PCDHGB4: variants seen among roughly 807,000 people sequenced by gnomAD.
PCDHGB4 encodes protocadherin gamma subfamily B, 4.
A neutral mutation model predicts 60.5 loss-of-function variants in PCDHGB4; 38 were observed. That is an observed-to-expected ratio of 0.63 (90% CI 0.48 to 0.82). PCDHGB4 has a LOEUF of 0.82. PCDHGB4 is among the 40% of genes least tolerant of loss of function. The probability of loss-of-function intolerance (pLI) is 0.00; values close to 1 mark genes in which losing one functional copy is unlikely to be tolerated. For missense variants in PCDHGB4, 1,109 were observed against 1,209.6 expected, an observed-to-expected ratio of 0.92 and a Z score of 1.23; for synonymous variants, 456 against 509.7, an observed-to-expected ratio of 0.89 and a Z score of 1.42.
intron 1 of PCDHGB4, chr5:141,442,535 A>C (rs2098331560): frequency 6.6e-6 from 1 of 152,240 alleles, no homozygotes; most frequent in Non-Finnish European, 1.5e-5. Flanking sequence ...CTCCAAGGTG[A>C]AAAATTCTTG....
intron 2 of PCDHGB4, among the ~76,000 whole-genome samples, chr5:141,502,832 G>T (rs1266910323): frequency 6.6e-6 from 1 of 150,516 alleles, no homozygotes; most frequent in Non-Finnish European, 1.5e-5. Context: ...GGGGAAGCCT[G>T]GACTGGCTGA....
intron 1 of PCDHGB4, chr5:141,399,180 G>A (rs1454578078): frequency 6.2e-7 from 1 of 1,613,916 alleles, no homozygotes; most frequent in Non-Finnish European, 8.5e-7. Context: ...TACTTGAAAT[G>A]ATTCTGGAAA....
At chr5:141,427,088 T>C in intron 1 of PCDHGB4, 1 of 458,156 alleles carries the variant, frequency 2.2e-6, no homozygotes. Flanking sequence ...CTGACCAGGA[T>C]GAGGGTGTCA....
chr5:141,466,206 T>C (rs2099118813), intron 1 of PCDHGB4, among the ~76,000 whole-genome samples: 1 of 152,126 alleles, frequency 6.6e-6, no homozygotes, highest in Admixed American at 6.5e-5. Flanking sequence ...AGCCTTGCTC[T>C]GTTACCCAGG....
chr5:141,413,992 A>G (rs1437832303), intron 1 of PCDHGB4: 1 of 1,613,538 alleles, frequency 6.2e-7, no homozygotes, highest in Admixed American at 1.7e-5. Flanking sequence ...AGCCACCGAC[A>G]GGGACGAAGG....
intron 1 of PCDHGB4, chr5:141,403,391 G>C (rs1182066905): frequency 6.2e-7 from 1 of 1,614,046 alleles, no homozygotes; most frequent in East Asian, 2.2e-5. Flanking sequence ...CGAAATCGCG[G>C]TTCCTGGAGC....
chr5:141,491,312 C>T lies in PCDHGB4; in HGVS notation c.2398-3495C>T, dbSNP rs749198887. The stretch of plus-strand genomic sequence containing the variant: ...CACCCTCCTGAGCGTTCAGACCTTA[C>T]CCTTTACCTCATTGTGGCTCTAGCG... On this transcript the variant is annotated intron_variant, in intron 1 of 3. Transcript: ENST00000519479. The surrounding 1 kb of genome is among the most constrained non-coding windows in gnomAD (Gnocchi z 6.9). 3 of 1,614,170 alleles carry T rather than the reference C, an allele frequency of 1.9e-6. No individual in the cohort carries two copies. Among genetic ancestry groups the T allele is most frequent in the East Asian group, 4.5e-5 (2 of 44,878 alleles).
At chr5:141,418,794 TAGAA>T in intron 1 of PCDHGB4, 1 of 1,613,706 alleles carries the variant, frequency 6.2e-7, no homozygotes, top group South Asian at 1.1e-5. Flanking sequence ...TTTGAAGAAG[TAGAA>T]AGATATACGA....
At chr5:141,394,596 G>A (rs1485546922) in intron 1 of PCDHGB4, 2 of 1,613,702 alleles carry the variant, frequency 1.2e-6, no homozygotes, top group Non-Finnish European at 1.7e-6. Flanking sequence ...GGTGGCGGTG[G>A]ACAGAGACTC....
chr5:141,416,378 A>C (rs2096019434), intron 1 of PCDHGB4: 1 of 152,230 alleles, frequency 6.6e-6, no homozygotes, highest in South Asian at 2.1e-4. Flanking sequence ...GAAATTAAGA[A>C]TATTTGGGAT....
chr5:141,491,876 A>G lies in PCDHGB4; in HGVS notation c.2398-2931A>G. ...TTGCGCGAAACCAGAGTGGCCGATT[A>G]AGGGATGGGGCTCCGAGCACCGGGG... On this transcript the variant is annotated intron_variant, in intron 1 of 3. Coordinates refer to ENST00000519479, the MANE Select transcript of PCDHGB4 (RefSeq NM_003736.4). The surrounding 1 kb of genome is among the most constrained non-coding windows in gnomAD (Gnocchi z 6.9). 2.1e-6 allele frequency: 3 copies of G among 1,450,326 alleles called. No individual in the cohort carries two copies. Among genetic ancestry groups the G allele is most frequent in the Non-Finnish European group, 1.8e-6 (2 of 1,097,472 alleles). 89.8% of individuals were successfully genotyped at this position (1,450,326 alleles called of 1,614,324 possible).
chr5:141,402,839 C>T (rs2094312458), intron 1 of PCDHGB4: 1 of 1,386,198 alleles, frequency 7.2e-7, no homozygotes, highest in Non-Finnish European at 9.5e-7. Context: ...TGCAGCAAAA[C>T]TCAGCCTCTT....
chr5:141,451,095 T>G (rs1158753327), intron 1 of PCDHGB4, among the ~76,000 whole-genome samples: 2 of 152,180 alleles, frequency 1.3e-5, no homozygotes, highest in African/African-American at 4.8e-5. Context: ...CCCAAAGTGT[T>G]GGGATTACAG....
intron 1 of PCDHGB4, among the ~76,000 whole-genome samples, chr5:141,448,632 T>G (rs1383720361): frequency 1.3e-5 from 2 of 152,106 alleles, no homozygotes; most frequent in Admixed American, 1.3e-4. Context: ...TTCTTCACAT[T>G]ATATCCTTTA....
chr5:141,483,289 A>G (rs1446467890), intron 1 of PCDHGB4, among the ~76,000 whole-genome samples: 3 of 152,194 alleles, frequency 2.0e-5, no homozygotes, highest in Admixed American at 2.0e-4. Flanking sequence ...TCTGTCAGTC[A>G]TAAGTGAAGG....
rs201372696 is a variant in PCDHGB4, at chr5:141,400,469, C to T, written c.2397+10188C>T. On this transcript the variant is annotated intron_variant, in intron 1 of 3. Coordinates refer to ENST00000519479, the MANE Select transcript of PCDHGB4 (RefSeq NM_003736.4). ...CAAGACATACTTTGTGGTGATTCATCTGGGGCCTTATTTCCACTTTGTAAT... is the reference window on the plus strand; with the variant it reads ...CAAGACATACTTTGTGGTGATTCATTTGGGGCCTTATTTCCACTTTGTAAT... 15 of 1,613,944 alleles carry T rather than the reference C, an allele frequency of 9.3e-6. No individual in the cohort carries two copies. The African/African-American group carries it at 1.9e-4, about 20-fold the overall frequency.
rs545421792 is a variant in PCDHGB4 at position 141,414,806 on chromosome 5, C to T, written c.2397+24525C>T. ...GTGACAGCCAGCGACAGCGGGGATC[C>T]TCCACTCAGCAGCAACGTGTCGTTG... On this transcript the variant is annotated intron_variant, in intron 1 of 3. Coordinates refer to ENST00000519479, the MANE Select transcript of PCDHGB4 (RefSeq NM_003736.4). 2.2e-5 allele frequency: 36 copies of T among 1,614,244 alleles called. No individual in the cohort carries two copies. The South Asian group carries it at 3.1e-4, about 14-fold the overall frequency.
chr5:141,419,138 A>G (rs1590146439), intron 1 of PCDHGB4: 1 of 1,613,920 alleles, frequency 6.2e-7, no homozygotes, highest in Non-Finnish European at 8.5e-7. Flanking sequence ...AGCCACAGAC[A>G]GGGGCAAGCC....
chr5:141,508,904 T>C (rs1421450229), intron 3 of PCDHGB4, among the ~76,000 whole-genome samples: 2 of 151,336 alleles, frequency 1.3e-5, no homozygotes, highest in African/African-American at 4.9e-5. Context: ...GGCGGGGCGG[T>C]GGCGGATCTG....
Sources: allele counts gnomAD v4.1 joint callset (sites outside exome capture counted in the v4.1 genomes callset), GRCh38; gene constraint gnomAD v4.1.1; non-coding constraint Gnocchi (gnomAD v3.1); transcripts MANE v1.5; gene names NCBI Gene and HGNC (gene_info 2026-07-23, HGNC 2026-07-21).